LRCH1: variants seen among roughly 807,000 people sequenced by gnomAD.
LRCH1 encodes leucine rich repeats and calponin homology domain containing 1, also known as leucine-rich repeat and calponin homology domain-containing protein 1.
LRCH1 carries 23 observed loss-of-function variants against 94.9 expected under a neutral mutation model. The observed-to-expected ratio is 0.24, with a 90% confidence interval of 0.17 to 0.34. The LOEUF (loss-of-function observed/expected upper bound fraction) is 0.34. Among genes scored for constraint, LRCH1 ranks in the 10% least tolerant of loss-of-function variants. LRCH1 has a pLI of 1.00. For synonymous variants in LRCH1, 364 were observed against 354.9 expected, an observed-to-expected ratio of 1.03 and a Z score of -0.29; for missense variants, 790 against 945.9, an observed-to-expected ratio of 0.84 and a Z score of 2.16.
At chr13:46,648,003 T>C (rs1235200357) in intron 1 of LRCH1, among the ~76,000 whole-genome samples, 1 of 152,118 alleles carries the variant, frequency 6.6e-6, no homozygotes, top group Non-Finnish European at 1.5e-5. Flanking sequence ...GCGCATTACT[T>C]TATTGTACAC....
intron 1 of LRCH1, among the ~76,000 whole-genome samples, chr13:46,578,807 T>A (rs2005053): frequency 6.6e-6 from 1 of 151,396 alleles, no homozygotes; most frequent in South Asian, 2.1e-4. Context: ...ATGCTTACAT[T>A]GTGGGAGGGG....
At chr13:46,747,714 C>G (rs1317993451), downstream of LRCH1, among the ~76,000 whole-genome samples, 1 of 151,644 alleles carries the variant, frequency 6.6e-6, no homozygotes, top group African/African-American at 2.4e-5. Flanking sequence ...ATTTGTTGAG[C>G]TTATGTGTCA....
intron 16 of LRCH1, among the ~76,000 whole-genome samples, chr13:46,718,083 T>A (rs1872413727): frequency 6.6e-6 from 1 of 152,236 alleles, no homozygotes; most frequent in Admixed American, 6.5e-5. Context: ...CCCCCTGCTC[T>A]TGTGTCCTCT....
intron 2 of LRCH1, among the ~76,000 whole-genome samples, chr13:46,650,585 A>G (rs2051280330): frequency 6.6e-6 from 1 of 151,754 alleles, no homozygotes; most frequent in Non-Finnish European, 1.5e-5. Flanking sequence ...AATGATTTAT[A>G]TTATATCATT....
chr13:46,686,384 G>A (rs1870617242), intron 5 of LRCH1, among the ~76,000 whole-genome samples: 1 of 152,306 alleles, frequency 6.6e-6, no homozygotes, highest in African/African-American at 2.4e-5. Flanking sequence ...GCTCTCTGAG[G>A]ATCATTCCTT....
chr13:46,711,740 A>G (rs772762173), intron 13 of LRCH1, 51 bp from the exon 14 acceptor site: 13 of 1,438,922 alleles, frequency 9.0e-6, no homozygotes, highest in South Asian at 2.4e-5. Flanking sequence ...TCTTGCCTCA[A>G]CAGTTTCACA....
chr13:46,590,995 T>A (rs1364100249), intron 1 of LRCH1, among the ~76,000 whole-genome samples: 1 of 152,022 alleles, frequency 6.6e-6, no homozygotes, highest in Non-Finnish European at 1.5e-5. Context: ...CCCCTGTAAG[T>A]TCTCTGCGAG....
chr13:46,721,386 CT>C (rs1416405338), intron 16 of LRCH1, among the ~76,000 whole-genome samples: 1 of 152,070 alleles, frequency 6.6e-6, no homozygotes, highest in Admixed American at 6.6e-5. Flanking sequence ...ATTTCTTGAC[CT>C]TTTTTTGGTA....
intron 1 of LRCH1, among the ~76,000 whole-genome samples, chr13:46,602,853 G>T (rs1404494951): frequency 6.6e-6 from 1 of 152,168 alleles, no homozygotes; most frequent in African/African-American, 2.4e-5. Flanking sequence ...AGAGGCTGAG[G>T]TGGGAGGATG....
At chr13:46,559,351 T>C (rs1401092194) in intron 1 of LRCH1, among the ~76,000 whole-genome samples, 1 of 152,252 alleles carries the variant, frequency 6.6e-6, no homozygotes, top group African/African-American at 2.4e-5. Flanking sequence ...ATAAATGCCT[T>C]TGTTTATTAC....
intron 11 of LRCH1, among the ~76,000 whole-genome samples, chr13:46,701,683 A>C (rs775160361): frequency 2.6e-5 from 4 of 152,246 alleles, no homozygotes; most frequent in Non-Finnish European, 5.9e-5. Flanking sequence ...GATAATTTTA[A>C]AATCTGAATT....
At chr13:46,596,152 A>G (rs1263360394) in intron 1 of LRCH1, among the ~76,000 whole-genome samples, 1 of 152,212 alleles carries the variant, frequency 6.6e-6, no homozygotes, top group Non-Finnish European at 1.5e-5. Context: ...GGGAGTTGAC[A>G]TGATCAAAAA....
chr13:46,607,401 G>A (rs1437315617), intron 1 of LRCH1, among the ~76,000 whole-genome samples: 10 of 152,134 alleles, frequency 6.6e-5, no homozygotes, highest in Admixed American at 5.2e-4. Context: ...TGAGTGGTGA[G>A]GTTTAGGCTG....
At chr13:46,738,624 T>TC (rs1873505610) in intron 19 of LRCH1, among the ~76,000 whole-genome samples, 1 of 152,188 alleles carries the variant, frequency 6.6e-6, no homozygotes, top group Non-Finnish European at 1.5e-5. Flanking sequence ...CTATTTTTCT[T>TC]CCCCAAGTCA....
chr13:46,610,443 G>A (rs1394235123), intron 1 of LRCH1, among the ~76,000 whole-genome samples: 1 of 149,018 alleles, frequency 6.7e-6, no homozygotes, highest in African/African-American at 2.5e-5. Flanking sequence ...ATTTTATTAA[G>A]TTATCTACCC....
intron 1 of LRCH1, among the ~76,000 whole-genome samples, chr13:46,623,255 A>G (rs1001724060): frequency 8.5e-5 from 13 of 152,170 alleles, no homozygotes; most frequent in Non-Finnish European, 1.5e-4. Flanking sequence ...ATAATGCACA[A>G]TCTTGGTGAA....
intron 18 of LRCH1, among the ~76,000 whole-genome samples, chr13:46,730,450 T>G (rs1873046295): frequency 1.3e-5 from 2 of 152,168 alleles, no homozygotes; most frequent in South Asian, 2.1e-4. Flanking sequence ...CTCCGCCCTC[T>G]CCCATCCCCA....
At chr13:46,748,188 C>G (rs752476714), downstream of LRCH1, among the ~76,000 whole-genome samples, 2 of 151,396 alleles carry the variant, frequency 1.3e-5, no homozygotes, top group Non-Finnish European at 2.9e-5. Context: ...TTTCATAATG[C>G]TTTTTTAGCT....
rs370490275 is a variant in LRCH1, at chr13:46,744,344, A to G, written c.*2496A>G. ...GTTAGATAAAAGGAGCCAAGTATCT[A>G]TTTACATTTTATTTTGAAATAGCCA... On this transcript the variant is annotated 3_prime_UTR_variant, in exon 20 of 20. Transcript: ENST00000389797. 2.2e-5 allele frequency: 22 copies of G among 985,378 alleles called. 1 individual carries two copies. In the African/African-American group the frequency reaches 3.1e-4, roughly 14 times the overall value. The allele number at this position is 985,378 out of a possible 1,614,324, so 61.0% of individuals were successfully genotyped here.
Sources: gnomAD v4.1 joint callset for allele counts (sites outside exome capture counted in the v4.1 genomes callset) on GRCh38, gnomAD v4.1.1 for gene constraint, MANE v1.5 for transcripts, NCBI Gene and HGNC (gene_info 2026-07-23, HGNC 2026-07-21) for gene names.